Variants in INHBE observed in about 807,000 individuals in gnomAD.
INHBE encodes inhibin subunit beta E.
In INHBE, 19 loss-of-function variants were observed where a neutral mutation model predicts 27.8. That is an observed-to-expected ratio of 0.68 (90% CI 0.48 to 1.00). INHBE has a LOEUF of 1.00. INHBE is among the 50% of genes least tolerant of loss of function. The pLI, the probability that INHBE is intolerant of heterozygous loss-of-function variation, is 0.00. For synonymous variants in INHBE, 196 were observed against 187.2 expected (o/e 1.05, Z -0.38); for missense variants, 398 against 433.9 (o/e 0.92, Z 0.73).
In INHBE at chr12:57,457,030, T is replaced by C; in HGVS notation, c.*182T>C. 1.5e-6 allele frequency: 1 copy of C among 645,686 alleles called. No individual in the cohort carries two copies. The highest frequency in any genetic ancestry group is 2.0e-5 in the South Asian group (1 of 49,614). 40.0% of individuals were successfully genotyped at this position (645,686 alleles called of 1,614,324 possible). On this transcript the variant is annotated 3_prime_UTR_variant, in exon 2 of 2. Transcript: ENST00000266646. ...CTTTCTTGTCTGAGACTCTGGCTTA[T>C]TCCAGGTTGGCTGATGTGTTGGGAG...
rs146929823 is a variant in INHBE, at chr12:57,457,208, G to C, written c.*360G>C. On this transcript the variant is annotated 3_prime_UTR_variant, in exon 2 of 2. Coordinates refer to ENST00000266646, the MANE Select transcript of INHBE (RefSeq NM_031479.5). ...CCAAGATGAGAAAGTCCTCAAGTGA[G>C]GGGAGGAGGAAGCAGATAGATGGTC... The C allele has an allele frequency of 4.4e-6, 1 of 225,764 alleles. No individual in the cohort carries two copies. Among genetic ancestry groups the C allele is most frequent in the Non-Finnish European group, 8.8e-6 (1 of 113,850 alleles). The allele number at this position is 225,764 out of a possible 1,614,324, so 14.0% of individuals were successfully genotyped here.
In INHBE at chr12:57,456,515, T is replaced by C. The variant is rs538464070; in HGVS notation, c.720T>C (p.Cys240=). The C allele has an allele frequency of 1.2e-6, 2 of 1,614,104 alleles. No individual in the cohort carries two copies. Among genetic ancestry groups the C allele is most frequent in the African/African-American group, 1.3e-5 (1 of 75,010 alleles). ...GGGCCAGGAGGAGGACCCCCACCTGTGAGCCTGCGACCCCCTTATGTTGCA... is the reference window on the plus strand; with the variant it reads ...GGGCCAGGAGGAGGACCCCCACCTGCGAGCCTGCGACCCCCTTATGTTGCA... ...AGRARRRTPT[C]EPATPLCCRR... Residue 240 remains cysteine, a synonymous_variant, in exon 2 of 2, where the codon TGT becomes TGC. Coordinates refer to ENST00000266646, the MANE Select transcript of INHBE (RefSeq NM_031479.5).
In INHBE at chr12:57,456,369, T is replaced by C; in HGVS notation, c.574T>C (p.Cys192Arg). 6.2e-7 allele frequency: 1 copy of C among 1,614,128 alleles called. No individual in the cohort carries two copies. The highest frequency in any genetic ancestry group is 8.5e-7 in the Non-Finnish European group (1 of 1,180,012). ...KSGVLKLQLD[C>R]RPLEGNSTVT... The stretch of plus-strand genomic sequence containing the variant: ...TGGTGTCCTGAAACTGCAACTAGAC[T>C]GCAGACCCCTAGAAGGCAACAGCAC... Residue 192 changes from cysteine (C) to arginine (R), a missense_variant, in exon 2 of 2, where the codon TGC (cysteine) becomes CGC (arginine). Coordinates refer to ENST00000266646, the MANE Select transcript of INHBE (RefSeq NM_031479.5).
Position 57,456,795 on chromosome 12 carries a change from G to T in INHBE, c.1000G>T (p.Val334Leu), listed in dbSNP as rs771617277. ...CCTCTACCTGGATCATAATGGCAAT[G>T]TGGTCAAGACGGATGTGCCAGATAT... The part of the protein sequence containing the change: ...SLLYLDHNGN[V>L]VKTDVPDMVV... The change falls in exon 2 of 2, where the codon GTG becomes TTG. Residue 334 changes from valine (V) to leucine (L), a missense_variant. Transcript: ENST00000266646. 1.2e-6 allele frequency: 2 copies of T among 1,614,174 alleles called. No individual in the cohort carries two copies. Among genetic ancestry groups the T allele is most frequent in the Non-Finnish European group, 1.7e-6 (2 of 1,180,026 alleles).
chr12:57,456,912 G>C lies in INHBE; in HGVS notation c.*64G>C. 1 of 1,513,000 alleles carries C rather than the reference G, an allele frequency of 6.6e-7. No individual in the cohort carries two copies. Among genetic ancestry groups the C allele is most frequent in the Non-Finnish European group, 8.9e-7 (1 of 1,123,266 alleles). The allele number at this position is 1,513,000 out of a possible 1,614,324, so 93.7% of individuals were successfully genotyped here. ...GAAGTTTCCCAGGCACAGGGCATCT[G>C]TGACTGGAGGCATCAGATTCCTGAT... On this transcript the variant is annotated 3_prime_UTR_variant, in exon 2 of 2. Transcript: ENST00000266646.
In INHBE at chr12:57,457,929, A is replaced by G. The variant is rs1416744783; in HGVS notation, c.*1081A>G. On this transcript the variant is annotated 3_prime_UTR_variant, in exon 2 of 2. Coordinates refer to ENST00000266646, the MANE Select transcript of INHBE (RefSeq NM_031479.5). Reference sequence around the variant, plus strand: ...CATGTTATTTGCCTTTTGAATTCTCATTATCTTAAAATTGTATTGTGGAGT... The same window carrying G: ...CATGTTATTTGCCTTTTGAATTCTCGTTATCTTAAAATTGTATTGTGGAGT... 5 of 152,164 alleles carry G rather than the reference A, an allele frequency of 3.3e-5. No individual in the cohort carries two copies. The highest frequency in any genetic ancestry group is 7.4e-5 in the Non-Finnish European group (5 of 68,020). The allele number at this position is 152,164 out of a possible 1,614,324, so 9.4% of individuals were successfully genotyped here. A position where few individuals can be genotyped will look rare whatever the true frequency, so the allele number is the denominator to read the frequency against.
Position 57,456,505 on chromosome 12 carries a change from C to A in INHBE, c.710C>A (p.Thr237Asn), listed in dbSNP as rs1408784395. 1 of 1,614,008 alleles carries A rather than the reference C, an allele frequency of 6.2e-7. No homozygotes were observed. The highest frequency in any genetic ancestry group is 8.5e-7 in the Non-Finnish European group (1 of 1,180,020). ...GGAGCAGGCCGGGCCAGGAGGAGGA[C>A]CCCCACCTGTGAGCCTGCGACCCCC... Reference protein sequence around the residue: ...EPGAGRARRRTPTCEPATPLC... With the variant: ...EPGAGRARRRNPTCEPATPLC... Residue 237 changes from threonine to asparagine, a missense_variant, in exon 2 of 2, where the codon ACC (threonine) becomes AAC (asparagine). Physicochemically the swap from Thr to Asn is moderately conservative, Grantham distance 65 (BLOSUM62 0). Transcript: ENST00000266646.
At position 57,456,701 on chromosome 12, in the gene INHBE, C is replaced by T; in HGVS notation, c.906C>T (p.Leu302=). ...ASFHSAVFSL[L]KANNPWPAST... ...TCCATTCTGCCGTCTTCAGCCTCCTCAAAGCCAACAATCCTTGGCCTGCCA... is the reference window on the plus strand; with the variant it reads ...TCCATTCTGCCGTCTTCAGCCTCCTTAAAGCCAACAATCCTTGGCCTGCCA... Residue 302 remains leucine (L), a synonymous_variant, in exon 2 of 2, where the codon CTC becomes CTT. Transcript: ENST00000266646. 1 of 1,614,254 alleles carries T rather than the reference C, an allele frequency of 6.2e-7. No individual in the cohort carries two copies. The highest frequency in any genetic ancestry group is 8.5e-7 in the Non-Finnish European group (1 of 1,180,050).
rs1292945519 is a variant in INHBE, at chr12:57,457,824, C to G, written c.*976C>G. 6.6e-6 allele frequency: 1 copy of G among 152,236 alleles called. No individual in the cohort carries two copies. Among genetic ancestry groups the G allele is most frequent in the African/African-American group, 2.4e-5 (1 of 41,464 alleles). 9.4% of individuals were successfully genotyped at this position (152,236 alleles called of 1,614,324 possible). A position where few individuals can be genotyped will look rare whatever the true frequency, so the allele number is the denominator to read the frequency against. ...GTGATGGTCCAGAGCAACAGTTCTT[C>G]AAGTGTACTCTGTAGGCTTCTGGGA... On this transcript the variant is annotated 3_prime_UTR_variant, in exon 2 of 2. Transcript: ENST00000266646.
Position 57,456,278 on chromosome 12 carries a change from C to T in INHBE, c.483C>T (p.His161=). ...RQGSRTLLAE[H]HITNLGWHTL... ...GGTCCCGCACTCTCCTGGCTGAGCA[C>T]CACATCACCAACCTGGGCTGGCATA... Residue 161 remains histidine (H), a synonymous_variant, in exon 2 of 2, where the codon CAC becomes CAT. Transcript: ENST00000266646. 1.2e-6 allele frequency: 2 copies of T among 1,614,134 alleles called. No individual in the cohort carries two copies. Among genetic ancestry groups the T allele is most frequent in the African/African-American group, 1.3e-5 (1 of 75,016 alleles).
Position 57,455,616 on chromosome 12 carries a change from C to T in INHBE, c.80C>T (p.Pro27Leu), listed in dbSNP as rs140437272. 7,978 of 1,614,058 alleles carry T rather than the reference C, an allele frequency of 4.9e-3. 40 individuals carry two copies. Among genetic ancestry groups the T allele is most frequent in the Non-Finnish European group, 4.5e-3 (5,331 of 1,179,976 alleles). Residue 27 changes from proline to leucine, a missense_variant, in exon 1 of 2, where the codon CCC becomes CTC. By Grantham distance (98) the Pro-to-Leu change is moderately conservative. Coordinates refer to ENST00000266646, the MANE Select transcript of INHBE (RefSeq NM_031479.5). ...VRAQGTGSVC[P>L]SCGGSKLAPQ... ...GCACAGGGGACAGGGTCTGTGTGTC[C>T]CTCCTGTGGGGGCTCCAAACTGGCA...
rs1821944060 is a variant in INHBE at position 57,455,709 on chromosome 12, C to A, written c.173C>A (p.Thr58Asn). The A allele has an allele frequency of 6.2e-7, 1 of 1,613,948 alleles. No homozygotes were observed. The highest frequency in any genetic ancestry group is 1.3e-5 in the African/African-American group (1 of 74,900). The change falls in exon 1 of 2, where the codon ACC becomes AAC. Residue 58 changes from threonine (T) to asparagine (N), a missense_variant. Thr to Asn is a moderately conservative substitution (Grantham distance 65, BLOSUM62 0). Transcript: ENST00000266646. Reference protein sequence around the residue: ...KQQILDGLHLTSRPRITHPPP... With the variant: ...KQQILDGLHLNSRPRITHPPP... ...CAAATCCTGGATGGGTTGCACCTGA[C>A]CAGTCGTCCCAGAATAACTCATCCT...
rs777131104 is a variant in INHBE, at chr12:57,456,659, A to G, written c.864A>G (p.Pro288=). The change falls in exon 2 of 2, where the codon CCA becomes CCG. Residue 288 remains proline, a synonymous_variant. Coordinates refer to ENST00000266646, the MANE Select transcript of INHBE (RefSeq NM_031479.5). ...GQCPPHLAGS[P]GIAASFHSAV... ...GCCCTCCCCACCTGGCTGGCAGCCCAGGCATTGCTGCCTCTTTCCATTCTG... is the reference window on the plus strand; with the variant it reads ...GCCCTCCCCACCTGGCTGGCAGCCCGGGCATTGCTGCCTCTTTCCATTCTG... 1 of 1,614,232 alleles carries G rather than the reference A, an allele frequency of 6.2e-7. No individual in the cohort carries two copies. Among genetic ancestry groups the G allele is most frequent in the South Asian group, 1.1e-5 (1 of 91,088 alleles).
Position 57,455,760 on chromosome 12 carries a change from C to T in INHBE, c.224C>T (p.Ala75Val). 6.2e-7 allele frequency: 1 copy of T among 1,614,012 alleles called. No homozygotes were observed. Among genetic ancestry groups the T allele is most frequent in the Non-Finnish European group, 8.5e-7 (1 of 1,179,938 alleles). The change falls in exon 1 of 2, where the codon GCC becomes GTC. Residue 75 changes from alanine (A) to valine (V), a missense_variant. Coordinates refer to ENST00000266646, the MANE Select transcript of INHBE (RefSeq NM_031479.5). ...HPPPQAALTR[A>V]LRRLQPGSVA... Reference sequence around the variant, plus strand: ...CCACCCCAGGCAGCGCTGACCAGAGCCCTCCGGAGACTACAGCCAGGGAGT... The same window carrying T: ...CCACCCCAGGCAGCGCTGACCAGAGTCCTCCGGAGACTACAGCCAGGGAGT...
rs370912843 is a variant in INHBE, at chr12:57,456,687, G to A, written c.892G>A (p.Val298Ile). The A allele has an allele frequency of 9.4e-5, 151 of 1,614,192 alleles. 2 individuals are homozygous for A. Among genetic ancestry groups the A allele is most frequent in the African/African-American group, 6.9e-4 (52 of 75,046 alleles). ...CATTGCTGCCTCTTTCCATTCTGCC[G>A]TCTTCAGCCTCCTCAAAGCCAACAA... ...PGIAASFHSA[V>I]FSLLKANNPW... is the part of the protein sequence containing the mutation. Residue 298 changes from valine to isoleucine, a missense_variant, in exon 2 of 2, where the codon GTC becomes ATC. Transcript: ENST00000266646.
chr12:57,456,586 G>A lies in INHBE; in HGVS notation c.791G>A (p.Trp264Ter). 1 of 1,614,206 alleles carries A rather than the reference G, an allele frequency of 6.2e-7. No individual in the cohort carries two copies. Among genetic ancestry groups the A allele is most frequent in the Non-Finnish European group, 8.5e-7 (1 of 1,180,034 alleles). The change falls in exon 2 of 2, where the codon TGG becomes TAG. Residue 264 changes from tryptophan (W) to a stop codon, truncating the protein, a stop_gained. Transcript: ENST00000266646. LOFTEE classifies it high-confidence loss of function. ...VDFQELGWRD[W>*]ILQPEGYQLN... ...TTCCAGGAACTGGGATGGCGGGACT[G>A]GATACTGCAGCCCGAGGGGTACCAG... is the stretch of plus-strand genomic sequence containing the variant.
Position 57,456,701 on chromosome 12 carries a change from C to A in INHBE, c.906C>A (p.Leu302=). ...ASFHSAVFSL[L]KANNPWPAST... ...TCCATTCTGCCGTCTTCAGCCTCCT[C>A]AAAGCCAACAATCCTTGGCCTGCCA... The change falls in exon 2 of 2, where the codon CTC becomes CTA. Residue 302 remains leucine (L), a synonymous_variant. Transcript: ENST00000266646. 1 of 1,614,254 alleles carries A rather than the reference C, an allele frequency of 6.2e-7. No individual in the cohort carries two copies.
chr12:57,456,798 G>C lies in INHBE; in HGVS notation c.1003G>C (p.Val335Leu), dbSNP rs775142337. 3 of 1,614,038 alleles carry C rather than the reference G, an allele frequency of 1.9e-6. No individual in the cohort carries two copies. The highest frequency in any genetic ancestry group is 2.7e-5 in the African/African-American group (2 of 74,914). ...LLYLDHNGNV[V>L]KTDVPDMVVE... is the part of the protein sequence containing the mutation. The stretch of plus-strand genomic sequence containing the variant: ...CTACCTGGATCATAATGGCAATGTG[G>C]TCAAGACGGATGTGCCAGATATGGT... The change falls in exon 2 of 2, where the codon GTC (valine) becomes CTC (leucine). Residue 335 changes from valine to leucine, a missense_variant. Transcript: ENST00000266646.
In INHBE at chr12:57,455,609, G is replaced by C. The variant is rs756430572; in HGVS notation, c.73G>C (p.Val25Leu). The C allele has an allele frequency of 8.1e-6, 13 of 1,614,062 alleles. No individual in the cohort carries two copies. The highest frequency in any genetic ancestry group is 1.1e-5 in the Non-Finnish European group (13 of 1,179,992). The part of the protein sequence containing the change: ...ALVRAQGTGS[V>L]CPSCGGSKLA... ...GGTGCGAGCACAGGGGACAGGGTCT[G>C]TGTGTCCCTCCTGTGGGGGCTCCAA... The change falls in exon 1 of 2, where the codon GTG becomes CTG. Residue 25 changes from valine to leucine, a missense_variant. Coordinates refer to ENST00000266646, the MANE Select transcript of INHBE (RefSeq NM_031479.5).
Sources: allele counts gnomAD v4.1 joint callset, GRCh38; gene constraint gnomAD v4.1.1; transcripts MANE v1.5; gene names NCBI Gene and HGNC (gene_info 2026-07-23, HGNC 2026-07-21).